The following SPTLC1 variants were observed in gnomAD, a reference collection of about 807,000 sequenced individuals.
The protein encoded by SPTLC1 is serine palmitoyltransferase long chain base subunit 1.
Under a neutral mutation model 68.9 loss-of-function variants are expected in SPTLC1, and 55 were observed. That is an observed-to-expected ratio of 0.80 (90% CI 0.64 to 1.00). The LOEUF (loss-of-function observed/expected upper bound fraction) is 1.00, where lower values mean the gene tolerates loss of function less well. Among genes scored for constraint, SPTLC1 ranks in the 50% least tolerant of loss-of-function variants. The pLI is 0.00. For synonymous variants in SPTLC1, 197 were observed against 201.6 expected (o/e 0.98, Z 0.19); for missense variants, 449 against 573.1 (o/e 0.78, Z 2.21).
At chr9:92,062,396 C>A (rs1443135383) in intron 6 of SPTLC1, among the ~76,000 whole-genome samples, 2 of 152,002 alleles carry the variant, frequency 1.3e-5, no homozygotes, top group Non-Finnish European at 2.9e-5. Context: ...AATAGACAAA[C>A]CCACAATTAC....
intron 9 of SPTLC1, among the ~76,000 whole-genome samples, chr9:92,049,156 C>T (rs116179772): frequency 0.01 from 1,531 of 152,278 alleles, 26 homozygotes; most frequent in African/African-American, 0.036. Context: ...ATTCACTCTG[C>T]TTTACATTTT....
chr9:92,081,066 C>CAG lies in SPTLC1; in HGVS notation c.261-104_261-103insCT. On this transcript the variant is annotated intron_variant, in intron 3 of 14. Coordinates refer to ENST00000262554, the MANE Select transcript of SPTLC1 (RefSeq NM_006415.4). The stretch of plus-strand genomic sequence containing the variant: ...AACAACATAGTGTTGTCATCCTACC[C>CAG]TATTTGCATACTGGTCTTTGATTTC... 4 of 811,700 alleles carry CAG rather than the reference C, an allele frequency of 4.9e-6. No individual in the cohort carries two copies. The South Asian group carries it at 5.6e-5, about 11-fold the overall frequency. 50.3% of individuals were successfully genotyped at this position (811,700 alleles called of 1,614,324 possible).
intron 5 of SPTLC1, among the ~76,000 whole-genome samples, chr9:92,078,460 T>C (rs1834761054): frequency 6.6e-6 from 1 of 152,128 alleles, no homozygotes; most frequent in African/African-American, 2.4e-5. Context: ...TGGTTTATAT[T>C]ATTATTATTA....
intron 3 of SPTLC1, among the ~76,000 whole-genome samples, chr9:92,093,607 A>T (rs1463926995): frequency 1.3e-5 from 2 of 152,280 alleles, no homozygotes; most frequent in African/African-American, 4.8e-5. Context: ...AAGTATTTAC[A>T]GTATCAAGAA....
chr9:92,061,796 T>C (rs1158393414), intron 6 of SPTLC1, among the ~76,000 whole-genome samples: 2 of 152,144 alleles, frequency 1.3e-5, no homozygotes, highest in Non-Finnish European at 2.9e-5. Context: ...TAGTCTATTA[T>C]AATATATGTG....
chr9:92,042,818 T>C (rs188650994), intron 12 of SPTLC1, among the ~76,000 whole-genome samples: 1 of 152,226 alleles, frequency 6.6e-6, no homozygotes, highest in Admixed American at 6.5e-5. Context: ...AATGAGCAAA[T>C]ATACCAATGG....
At position 92,061,304 on chromosome 9, in the gene SPTLC1, A is replaced by AT. The variant is rs534309098; in HGVS notation, c.561-1997dup. Among the ~76,000 whole-genome samples the AT allele has an allele frequency of 1.6e-4, 24 of 152,282 alleles. No homozygotes were observed. In the South Asian group the frequency reaches 5.0e-3, roughly 32 times the overall value. On this transcript the variant is annotated intron_variant, in intron 6 of 14. Transcript: ENST00000262554. Reference sequence around the variant, plus strand: ...AGAAAAACAATTTGAATGACGGGAGATTTTTCATCAGAAACCAGACACCAG... The same window carrying AT: ...AGAAAAACAATTTGAATGACGGGAGATTTTTTCATCAGAAACCAGACACCAG...
At chr9:92,059,899 A>G (rs1348267927) in intron 6 of SPTLC1, among the ~76,000 whole-genome samples, 2 of 152,098 alleles carry the variant, frequency 1.3e-5, no homozygotes, top group Non-Finnish European at 2.9e-5. Context: ...GCCAAGTAGG[A>G]AGCTGAGCCT....
intron 3 of SPTLC1, among the ~76,000 whole-genome samples, chr9:92,105,644 C>T (rs1455711829): frequency 6.6e-6 from 1 of 151,068 alleles, no homozygotes; most frequent in Admixed American, 6.6e-5. Flanking sequence ...GCCTGGCCAC[C>T]GCACCGTCTG....
At position 92,079,354 on chromosome 9, in the gene SPTLC1, G is replaced by A. The variant is rs1834796073; in HGVS notation, c.427+662C>T. On this transcript the variant is annotated intron_variant, in intron 5 of 14. Coordinates refer to ENST00000262554, the MANE Select transcript of SPTLC1 (RefSeq NM_006415.4). ...GCCTTTGAAAGTGCTGGGATTACAG[G>A]CATGAGCCACCATGCCCGGCCTAAA... 7.0e-6 allele frequency: 10 copies of A among 1,418,966 alleles called. No individual in the cohort carries two copies. In the South Asian group the frequency reaches 1.2e-4, roughly 17 times the overall value. 87.9% of individuals were successfully genotyped at this position (1,418,966 alleles called of 1,614,324 possible).
intron 3 of SPTLC1, among the ~76,000 whole-genome samples, chr9:92,106,886 C>T (rs1836016176): frequency 6.6e-6 from 1 of 152,106 alleles, no homozygotes; most frequent in African/African-American, 2.4e-5. Context: ...CTCCTACACC[C>T]ATATGTGTGC....
At chr9:92,039,016 TTGCGCC>T (rs1370917707) in intron 12 of SPTLC1, among the ~76,000 whole-genome samples, 2 of 152,188 alleles carry the variant, frequency 1.3e-5, no homozygotes, top group Admixed American at 6.5e-5. Flanking sequence ...GTGTGGTGGC[TTGCGCC>T]TGTAGTCCCA....
intron 3 of SPTLC1, chr9:92,108,114 A>T (rs1836073943): frequency 6.6e-6 from 1 of 152,370 alleles, no homozygotes; most frequent in South Asian, 2.1e-4. Context: ...TGTTAACACC[A>T]ATTAATTCTG....
At chr9:92,073,365 G>A (rs984248707) in intron 5 of SPTLC1, among the ~76,000 whole-genome samples, 1 of 152,142 alleles carries the variant, frequency 6.6e-6, no homozygotes, top group African/African-American at 2.4e-5. Flanking sequence ...GGCCTCCAAG[G>A]CCAGGCACTA....
At chr9:92,036,641 T>C (rs1481124639) in intron 13 of SPTLC1, among the ~76,000 whole-genome samples, 10 of 152,224 alleles carry the variant, frequency 6.6e-5, no homozygotes, top group Admixed American at 6.5e-4. Context: ...GCTGTCCCGC[T>C]GGGGCAAGTC....
chr9:92,104,568 T>C, intron 3 of SPTLC1: 2 of 1,476,060 alleles, frequency 1.4e-6, no homozygotes, highest in Non-Finnish European at 9.2e-7. Context: ...CCCGTGAGGA[T>C]CTCTTGTCTC....
intron 3 of SPTLC1, among the ~76,000 whole-genome samples, chr9:92,099,678 T>C (rs1195216089): frequency 6.6e-6 from 1 of 152,168 alleles, no homozygotes; most frequent in African/African-American, 2.4e-5. Context: ...GAAGGGGTTT[T>C]GTCATGTTGC....
Position 92,055,466 on chromosome 9 carries a change from C to G in SPTLC1, c.719G>C (p.Arg240Pro). The change falls in exon 8 of 15, where the codon CGT becomes CCT. Residue 240 changes from arginine to proline, a missense_variant. Arg to Pro is a moderately radical substitution (Grantham distance 103, BLOSUM62 -2). Coordinates refer to ENST00000262554, the MANE Select transcript of SPTLC1 (RefSeq NM_006415.4). ...ATACAATCCTTCTACTACAATGAAA[C>G]GCCGAGTTACACGAGCCTTGCGAGG... ...KNPRKARVTR[R>P]FIVVEGLYMN... 6.2e-7 allele frequency: 1 copy of G among 1,613,710 alleles called. No individual in the cohort carries two copies.
intron 3 of SPTLC1, among the ~76,000 whole-genome samples, chr9:92,090,380 AG>A: frequency 6.6e-6 from 1 of 152,166 alleles, no homozygotes; most frequent in Admixed American, 6.5e-5. Context: ...ACACCAAAGC[AG>A]GGGGATCACT....
Sources: gnomAD v4.1 joint callset for allele counts (sites outside exome capture counted in the v4.1 genomes callset) on GRCh38, gnomAD v4.1.1 for gene constraint, MANE v1.5 for transcripts, NCBI Gene and HGNC (gene_info 2026-07-23, HGNC 2026-07-21) for gene names.